SGCD: variants seen among roughly 807,000 people sequenced by gnomAD.
The protein encoded by SGCD is sarcoglycan delta.
Under a neutral mutation model 36.6 loss-of-function variants are expected in SGCD, and 18 were observed. That is an observed-to-expected ratio of 0.49 (90% CI 0.34 to 0.73). The LOEUF (loss-of-function observed/expected upper bound fraction) is 0.73, where lower values mean the gene tolerates loss of function less well. Among genes scored for constraint, SGCD ranks in the 30% least tolerant of loss-of-function variants. The pLI is 0.01. For missense variants in SGCD, 387 were observed against 346.7 expected (o/e 1.12, Z -0.92); for synonymous variants, 133 against 130.6 (o/e 1.02, Z -0.12).
chr5:156,736,633 C>T (rs2113044441), intron 7 of SGCD, among the ~76,000 whole-genome samples: 1 of 152,214 alleles, frequency 6.6e-6, no homozygotes, highest in East Asian at 1.9e-4. Context: ...TTACCTGAGC[C>T]CCATCTCCAA....
chr5:156,366,504 T>C (rs543955696), intron 3 of SGCD, among the ~76,000 whole-genome samples: 2 of 152,218 alleles, frequency 1.3e-5, no homozygotes, highest in Admixed American at 6.5e-5. Context: ...TACTTTGTAC[T>C]GAGAAAAAGT....
At chr5:156,041,142 C>T (rs1759623419) in intron 1 of SGCD, among the ~76,000 whole-genome samples, 1 of 152,224 alleles carries the variant, frequency 6.6e-6, no homozygotes, top group Non-Finnish European at 1.5e-5. Flanking sequence ...GGAGGCACAT[C>T]ATACCCTTTT....
At chr5:156,072,571 C>T (rs965337280) in intron 1 of SGCD, among the ~76,000 whole-genome samples, 4 of 152,046 alleles carry the variant, frequency 2.6e-5, no homozygotes, top group African/African-American at 9.7e-5. Flanking sequence ...ACATTTTTTC[C>T]TTCATTTCAA....
intron 1 of SGCD, among the ~76,000 whole-genome samples, chr5:155,916,377 T>TA (rs1756741825): frequency 6.6e-6 from 1 of 152,218 alleles, no homozygotes; most frequent in African/African-American, 2.4e-5. Context: ...GAAAGTTCTT[T>TA]AAAAATAATG....
At chr5:155,728,510 C>T in the SGCD span, among the ~76,000 whole-genome samples, 1 of 152,198 alleles carries the variant, frequency 6.6e-6, no homozygotes, top group Non-Finnish European at 1.5e-5. Flanking sequence ...CACCCACAGC[C>T]TGGAGAAACA....
chr5:155,811,677 C>T, the SGCD span, among the ~76,000 whole-genome samples: 10 of 152,090 alleles, frequency 6.6e-5, no homozygotes, highest in Middle Eastern at 3.2e-3. Flanking sequence ...CCAGGTGGAT[C>T]GGCAGGTTGA....
intron 1 of SGCD, among the ~76,000 whole-genome samples, chr5:156,096,018 C>T (rs181218844): frequency 6.6e-6 from 1 of 152,302 alleles, no homozygotes; most frequent in African/African-American, 2.4e-5. Context: ...TTTCCTTGTA[C>T]CAGTGAAACA....
At position 156,414,973 on chromosome 5, in the gene SGCD, A is replaced by G. The variant is rs568683572; in HGVS notation, c.192+70296A>G. ...AGTAATATTTAACTATATTTTTATTATGCCCGCAGAGCAATTGCCAGTATT... is the reference window on the plus strand; with the variant it reads ...AGTAATATTTAACTATATTTTTATTGTGCCCGCAGAGCAATTGCCAGTATT... On this transcript the variant is annotated intron_variant, in intron 3 of 8. Transcript: ENST00000337851. Among the ~76,000 whole-genome samples the G allele has an allele frequency of 3.3e-5, 5 of 152,220 alleles. No homozygotes were observed. In the South Asian group the frequency reaches 8.3e-4, roughly 25 times the overall value.
At chr5:156,372,585 G>GTATATA (rs374745302) in intron 3 of SGCD, among the ~76,000 whole-genome samples, 3 of 150,780 alleles carry the variant, frequency 2.0e-5, no homozygotes, top group African/African-American at 7.3e-5. Flanking sequence ...AGATAACTTT[G>GTATATA]TATATATATA....
chr5:156,455,946 G>A (rs955673569), intron 3 of SGCD, among the ~76,000 whole-genome samples: 6 of 152,172 alleles, frequency 3.9e-5, no homozygotes, highest in Non-Finnish European at 8.8e-5. Context: ...GGAATGCCAA[G>A]GATTGAGGAC....
the SGCD span, among the ~76,000 whole-genome samples, chr5:155,802,732 A>T: frequency 6.6e-6 from 1 of 152,216 alleles, no homozygotes; most frequent in African/African-American, 2.4e-5. Context: ...TTAGCAATGA[A>T]TTGCATTGGA....
At chr5:155,984,276 A>G (rs1444141668) in intron 1 of SGCD, among the ~76,000 whole-genome samples, 1 of 152,162 alleles carries the variant, frequency 6.6e-6, no homozygotes, top group African/African-American at 2.4e-5. Flanking sequence ...GAATAAACTG[A>G]GCCTTAGGAT....
chr5:155,864,687 G>A, the SGCD span, among the ~76,000 whole-genome samples: 1 of 152,134 alleles, frequency 6.6e-6, no homozygotes, highest in Non-Finnish European at 1.5e-5. Context: ...GCTAAATGGT[G>A]GTATTCCAGA....
At chr5:156,201,534 T>C (rs1177636938) in intron 3 of SGCD, among the ~76,000 whole-genome samples, 1 of 152,268 alleles carries the variant, frequency 6.6e-6, no homozygotes, top group East Asian at 1.9e-4. Context: ...GGCCCACGGT[T>C]TAACAGAGAA....
intron 6 of SGCD, among the ~76,000 whole-genome samples, chr5:156,630,476 A>AT: frequency 6.6e-6 from 1 of 152,334 alleles, no homozygotes; most frequent in Middle Eastern, 3.4e-3. Flanking sequence ...ACTGTGTGCC[A>AT]TGCACTATTC....
intron 7 of SGCD, among the ~76,000 whole-genome samples, chr5:156,743,102 C>T (rs2113096424): frequency 7.7e-6 from 1 of 129,398 alleles, no homozygotes; most frequent in Non-Finnish European, 1.6e-5. Context: ...CACTTGCTTC[C>T]TACATCTTTT....
chr5:156,444,322 G>A (rs563076179), intron 3 of SGCD, among the ~76,000 whole-genome samples: 33 of 151,952 alleles, frequency 2.2e-4, no homozygotes, highest in African/African-American at 7.7e-4. Context: ...TAACTCCGCA[G>A]GAGCCTCAAA....
rs1757505591 is a variant in SGCD at position 156,761,861 on chromosome 5, C to T, written c.*2471C>T. 6.6e-6 allele frequency: 1 copy of T among 152,134 alleles called. No individual in the cohort carries two copies. The highest frequency in any genetic ancestry group is 1.5e-5 in the Non-Finnish European group (1 of 68,024). The allele number at this position is 152,134 out of a possible 1,614,324, so 9.4% of individuals were successfully genotyped here. A position where few individuals can be genotyped will look rare whatever the true frequency, so the allele number is the denominator to read the frequency against. On this transcript the variant is annotated 3_prime_UTR_variant, in exon 9 of 9. Transcript: ENST00000337851. ...CAAACAGAATAAAAATAAGAGCAATCAACCATATAAATCAAGTACCTATTG... is the reference window on the plus strand; with the variant it reads ...CAAACAGAATAAAAATAAGAGCAATTAACCATATAAATCAAGTACCTATTG...
At chr5:156,443,584 G>T (rs992392684) in intron 3 of SGCD, among the ~76,000 whole-genome samples, 1 of 152,060 alleles carries the variant, frequency 6.6e-6, no homozygotes, top group Non-Finnish European at 1.5e-5. Flanking sequence ...TCCAGCCTGG[G>T]TCACTGCTAA....
Sources: allele counts gnomAD v4.1 joint callset (sites outside exome capture counted in the v4.1 genomes callset), GRCh38; gene constraint gnomAD v4.1.1; transcripts MANE v1.5; gene names NCBI Gene and HGNC (gene_info 2026-07-23, HGNC 2026-07-21).